The following PDE11A variants were observed in gnomAD, a reference collection of about 807,000 sequenced individuals.
PDE11A encodes phosphodiesterase 11A, also known as dual 3',5'-cyclic-AMP and -GMP phosphodiesterase 11A.
In PDE11A, 100 loss-of-function variants were observed where a neutral mutation model predicts 100.5. That is an observed-to-expected ratio of 1.00 (90% confidence interval 0.85 to 1.18). The LOEUF (loss-of-function observed/expected upper bound fraction) is 1.18, where lower values mean the gene tolerates loss of function less well. Among genes scored for constraint, PDE11A ranks in the 50% most tolerant of loss-of-function variants. PDE11A has a pLI of 0.00. For synonymous variants in PDE11A, 381 were observed against 420.8 expected (o/e 0.91, Z 1.16); for missense variants, 1,141 against 1,152.6 (o/e 0.99, Z 0.15).
At chr2:177,663,248 CA>C (rs1417749030) in intron 19 of PDE11A, among the ~76,000 whole-genome samples, 1 of 152,160 alleles carries the variant, frequency 6.6e-6, no homozygotes, top group Non-Finnish European at 1.5e-5. Context: ...CACCAAGTAG[CA>C]GAGCTGGAAA....
chr2:177,752,618 A>C (rs1333558298), intron 10 of PDE11A, among the ~76,000 whole-genome samples: 1 of 152,198 alleles, frequency 6.6e-6, no homozygotes, highest in Non-Finnish European at 1.5e-5. Context: ...GCTCAGGTAG[A>C]TTTGCAAGTT....
At chr2:177,884,314 G>C (rs888087849) in intron 4 of PDE11A, among the ~76,000 whole-genome samples, 2 of 152,098 alleles carry the variant, frequency 1.3e-5, no homozygotes, top group Admixed American at 6.5e-5. Context: ...CTCCTGTAAG[G>C]CTCATGAATG....
intron 5 of PDE11A, among the ~76,000 whole-genome samples, chr2:177,842,192 A>T (rs1398410155): frequency 6.6e-6 from 1 of 152,160 alleles, no homozygotes; most frequent in Non-Finnish European, 1.5e-5. Context: ...CTGCTGACCT[A>T]GAGTGTTCTG....
At chr2:177,698,335 A>G (rs1203517141) in intron 14 of PDE11A, 2 of 99,748 alleles carry the variant, frequency 2.0e-5, no homozygotes, top group African/African-American at 5.3e-5. Flanking sequence ...ACTTAGGCTA[A>G]AATATTTGTC....
At chr2:177,758,963 T>C (rs2082134405) in intron 10 of PDE11A, among the ~76,000 whole-genome samples, 1 of 152,252 alleles carries the variant, frequency 6.6e-6, no homozygotes, top group Non-Finnish European at 1.5e-5. Flanking sequence ...TCTGGGGTTT[T>C]AGCCATTTTC....
intron 2 of PDE11A, among the ~76,000 whole-genome samples, chr2:177,924,886 T>G (rs1384948752): frequency 4.1e-4 from 42 of 102,022 alleles, no homozygotes; most frequent in African/African-American, 1.5e-3. Flanking sequence ...CCCCTCCCCC[T>G]ACCCCACCAC....
chr2:178,085,800 G>C (rs958379809), intron 2 of PDE11A, among the ~76,000 whole-genome samples: 1 of 152,058 alleles, frequency 6.6e-6, no homozygotes, highest in African/African-American at 2.4e-5. Context: ...TTGCAACAAA[G>C]GCCAATTAAA....
chr2:178,062,184 C>T (rs1362887019), intron 1 of PDE11A, among the ~76,000 whole-genome samples: 4 of 152,060 alleles, frequency 2.6e-5, no homozygotes, highest in Non-Finnish European at 5.9e-5. Flanking sequence ...ACATTGGCTG[C>T]CACTGGTTCC....
chr2:178,064,869 AT>A (rs767640500), intron 1 of PDE11A, among the ~76,000 whole-genome samples: 2 of 151,868 alleles, frequency 1.3e-5, no homozygotes, highest in Non-Finnish European at 2.9e-5. Flanking sequence ...GGAAAAAAAG[AT>A]TTTTTCTCCT....
rs1183483256 is a variant in PDE11A at position 177,916,927 on chromosome 2, A to ATT, written c.1072-11742_1072-11741dup. ...AGGTGTCTGCCACCACGCCCGGCTAATTTTTTTTTTTTTTTTTTTTTTGTA... is the reference window on the plus strand; with the variant it reads ...AGGTGTCTGCCACCACGCCCGGCTAATTTTTTTTTTTTTTTTTTTTTTTTGTA... On this transcript the variant is annotated intron_variant, in intron 2 of 19. Coordinates refer to ENST00000286063, the MANE Select transcript of PDE11A (RefSeq NM_016953.4). Among the ~76,000 whole-genome samples the ATT allele has an allele frequency of 7.1e-3, 746 of 105,262 alleles. 19 individuals are homozygous for ATT. The highest frequency in any genetic ancestry group is 0.025 in the African/African-American group (579 of 23,458). The allele number at this position is 105,262 out of a possible 152,430, so 69.1% of individuals were successfully genotyped here. A position where few individuals can be genotyped will look rare whatever the true frequency, so the allele number is the denominator to read the frequency against.
chr2:178,068,957 C>A (rs1157246016), intron 1 of PDE11A, among the ~76,000 whole-genome samples: 2 of 152,056 alleles, frequency 1.3e-5, no homozygotes, highest in African/African-American at 4.8e-5. Flanking sequence ...TGAATGTAAA[C>A]CTGGTTTCAA....
chr2:177,898,014 C>T (rs750144538), intron 4 of PDE11A, 44 bp downstream of exon 4: 1 of 1,470,570 alleles, frequency 6.8e-7, no homozygotes, highest in Admixed American at 1.7e-5. Context: ...CAACTTTATT[C>T]CATTCACACA....
rs2079835794 is a variant in PDE11A, at chr2:177,626,512, C to T, written c.*2895G>A. On this transcript the variant is annotated 3_prime_UTR_variant, in exon 20 of 20. Coordinates refer to ENST00000286063, the MANE Select transcript of PDE11A (RefSeq NM_016953.4). ...ACGTCACGATCTCGCAGACCAGACT[C>T]TGTCCCTGACTCCACCCACCCTTTG... The T allele has an allele frequency of 6.5e-6, 1 of 152,696 alleles. No homozygotes were observed. Among genetic ancestry groups the T allele is most frequent in the South Asian group, 2.1e-4 (1 of 4,830 alleles). The allele number at this position is 152,696 out of a possible 1,614,324, so 9.5% of individuals were successfully genotyped here. A position where few individuals can be genotyped will look rare whatever the true frequency, so the allele number is the denominator to read the frequency against.
In PDE11A at chr2:177,778,770, G is replaced by A. The variant is rs117968639; in HGVS notation, c.1738-9397C>T. Among the ~76,000 whole-genome samples the A allele has an allele frequency of 3.9e-4, 59 of 152,258 alleles. No homozygotes were observed. The East Asian group carries it at 0.011, about 28-fold the overall frequency. ...GATGATGACAGTATTCAAAGACATG[G>A]CAACTGAACAGACGCGTTGAAACTG... is the stretch of plus-strand genomic sequence containing the variant. On this transcript the variant is annotated intron_variant, in intron 9 of 19. Coordinates refer to ENST00000286063, the MANE Select transcript of PDE11A (RefSeq NM_016953.4).
intron 2 of PDE11A, among the ~76,000 whole-genome samples, chr2:177,919,422 T>C (rs895930822): frequency 1.3e-5 from 2 of 152,118 alleles, no homozygotes; most frequent in Admixed American, 1.3e-4. Flanking sequence ...TATACATACC[T>C]GTATATTAGA....
intron 3 of PDE11A, among the ~76,000 whole-genome samples, chr2:177,903,755 T>C (rs551221315): frequency 1.3e-5 from 2 of 152,206 alleles, no homozygotes; most frequent in East Asian, 3.9e-4. Flanking sequence ...GTGAGGCACA[T>C]GATGTGGTTG....
In PDE11A at chr2:178,010,204, T is replaced by C. The variant is rs910778870; in HGVS notation, c.1071+4098A>G. 2.6e-5 allele frequency among the ~76,000 whole-genome samples: 4 copies of C among 152,206 alleles called. No individual in the cohort carries two copies. The East Asian group carries it at 5.8e-4, about 22-fold the overall frequency. ...AGTTAATAAGCAGCAGAGCAAAGACTTGAACCTGCTTTGGAGACTTTCTAA... is the reference window on the plus strand; with the variant it reads ...AGTTAATAAGCAGCAGAGCAAAGACCTGAACCTGCTTTGGAGACTTTCTAA... On this transcript the variant is annotated intron_variant, in intron 2 of 19. Coordinates refer to ENST00000286063, the MANE Select transcript of PDE11A (RefSeq NM_016953.4).
At chr2:177,912,222 T>C (rs1218184979) in intron 2 of PDE11A, among the ~76,000 whole-genome samples, 1 of 152,156 alleles carries the variant, frequency 6.6e-6, no homozygotes, top group Non-Finnish European at 1.5e-5. Flanking sequence ...TCTTCTTCCA[T>C]GTTCCCTTCT....
intron 9 of PDE11A, among the ~76,000 whole-genome samples, chr2:177,787,396 C>A (rs1354787972): frequency 6.6e-6 from 1 of 151,274 alleles, no homozygotes; most frequent in Non-Finnish European, 1.5e-5. Context: ...AAGCACTAAA[C>A]ATGGAAAGGA....
Sources: gnomAD v4.1 joint callset for allele counts (sites outside exome capture counted in the v4.1 genomes callset) on GRCh38, gnomAD v4.1.1 for gene constraint, MANE v1.5 for transcripts, NCBI Gene and HGNC (gene_info 2026-07-23, HGNC 2026-07-21) for gene names.